Variants in CHRDL2 observed in about 807,000 individuals in gnomAD.
The protein encoded by CHRDL2 is chordin-like protein 2.
A neutral mutation model predicts 54.3 loss-of-function variants in CHRDL2; 41 were observed. That is an observed-to-expected ratio of 0.76 (90% CI 0.59 to 0.98). The LOEUF is 0.98. Among genes scored for constraint, CHRDL2 ranks in the 50% least tolerant of loss-of-function variants. CHRDL2 has a pLI of 0.00. For missense variants in CHRDL2, 518 were observed against 562.4 expected, an observed-to-expected ratio of 0.92 and a Z score of 0.80; for synonymous variants, 220 against 224.3, an observed-to-expected ratio of 0.98 and a Z score of 0.17.
chr11:74,715,371 A>T (rs1260894888), intron 2 of CHRDL2, among the ~76,000 whole-genome samples: 1 of 152,196 alleles, frequency 6.6e-6, no homozygotes, highest in African/African-American at 2.4e-5. Flanking sequence ...TGGGAGGCCG[A>T]GGTGGGAGGA....
In CHRDL2 at chr11:74,711,002, G is replaced by C; in HGVS notation, c.290-11C>G. Reference sequence around the variant, plus strand: ...AGGGAGTGTGAGGTTCTGCAGTGGGGGAGGGGCAGGAGGAAGAAGAAAATG... The same window carrying C: ...AGGGAGTGTGAGGTTCTGCAGTGGGCGAGGGGCAGGAGGAAGAAGAAAATG... On this transcript the variant is annotated splice_polypyrimidine_tract_variant and intron_variant, in intron 3 of 10. Transcript: ENST00000376332. The C allele has an allele frequency of 1.2e-6, 2 of 1,601,738 alleles. No homozygotes were observed. The highest frequency in any genetic ancestry group is 1.7e-6 in the Non-Finnish European group (2 of 1,173,942).
At chr11:74,706,018 G>A (rs2135245595) in intron 6 of CHRDL2, among the ~76,000 whole-genome samples, 1 of 152,252 alleles carries the variant, frequency 6.6e-6, no homozygotes, top group Non-Finnish European at 1.5e-5. Flanking sequence ...CAGCTGTCCA[G>A]CTAAGCCCAT....
intron 3 of CHRDL2, among the ~76,000 whole-genome samples, chr11:74,712,855 C>A (rs1296821776): frequency 1.3e-5 from 2 of 152,182 alleles, no homozygotes; most frequent in Admixed American, 6.5e-5. Context: ...ATCTTATTCT[C>A]AGAGGCTCTT....
In CHRDL2 at chr11:74,721,364, C is replaced by T. The variant is rs571801027; in HGVS notation, c.83-2532G>A. On this transcript the variant is annotated intron_variant, in intron 1 of 10. Coordinates refer to ENST00000376332, the MANE Select transcript of CHRDL2 (RefSeq NM_001278473.3). ...CCAGGTCTCTGTGCCAGTTGGCACCCCCTTCACCTCACCGCCTGCTCAGAG... is the reference window on the plus strand; with the variant it reads ...CCAGGTCTCTGTGCCAGTTGGCACCTCCTTCACCTCACCGCCTGCTCAGAG... Among the ~76,000 whole-genome samples, 10 of 152,364 alleles carry T rather than the reference C, an allele frequency of 6.6e-5. No individual in the cohort carries two copies. The South Asian group carries it at 2.1e-3, about 32-fold the overall frequency.
At position 74,722,784 on chromosome 11, in the gene CHRDL2, C is replaced by T. The variant is rs375816932; in HGVS notation, c.83-3952G>A. Among the ~76,000 whole-genome samples, 140 of 152,238 alleles carry T rather than the reference C, an allele frequency of 9.2e-4. 3 individuals are homozygous for T. In the South Asian group the frequency reaches 0.027, roughly 30 times the overall value. On this transcript the variant is annotated intron_variant, in intron 1 of 10. Coordinates refer to ENST00000376332, the MANE Select transcript of CHRDL2 (RefSeq NM_001278473.3). ...CCACTCATAAATCAGATTAGTTTGC[C>T]TCAACTCACCTCAGGCCCACAGACC...
Position 74,710,870 on chromosome 11 carries a change from C to T in CHRDL2, c.411G>A (p.Gln137=). Residue 137 remains glutamine (Q), a synonymous_variant, in exon 4 of 11, where the codon CAG becomes CAA. Coordinates refer to ENST00000376332, the MANE Select transcript of CHRDL2 (RefSeq NM_001278473.3). ...HELFPSRLPN[Q]CVLCSCTEGQ... is the part of the protein sequence containing the mutation. Reference sequence around the variant, plus strand: ...TTACTGTGCAGCTGCAGAGGACACACTGGTTGGGCAGGCGGGAGGGGAACA... The same window carrying T: ...TTACTGTGCAGCTGCAGAGGACACATTGGTTGGGCAGGCGGGAGGGGAACA... The T allele has an allele frequency of 6.2e-7, 1 of 1,614,152 alleles. No individual in the cohort carries two copies. Among genetic ancestry groups the T allele is most frequent in the Non-Finnish European group, 8.5e-7 (1 of 1,180,028 alleles).
intron 10 of CHRDL2, 145 bp downstream of exon 10, chr11:74,697,060 C>A (rs982543353): frequency 1.6e-6 from 1 of 630,644 alleles, no homozygotes; most frequent in Non-Finnish European, 2.8e-6. Flanking sequence ...CGCAGACACC[C>A]GCTGGATTCC....
intron 1 of CHRDL2, among the ~76,000 whole-genome samples, chr11:74,725,011 T>C (rs2034551261): frequency 6.6e-6 from 1 of 152,078 alleles, no homozygotes; most frequent in African/African-American, 2.4e-5. Context: ...TTTTTTTTTT[T>C]TGAGATGGAA....
chr11:74,697,037 A>T (rs1221401306), intron 10 of CHRDL2, among the ~76,000 whole-genome samples, 168 bp downstream of exon 10: 1 of 152,164 alleles, frequency 6.6e-6, no homozygotes, highest in African/African-American at 2.4e-5. Context: ...CTCTGGAGTT[A>T]GGAAATCTCT....
chr11:74,715,837 G>A (rs1465385598), intron 2 of CHRDL2, among the ~76,000 whole-genome samples: 1 of 151,858 alleles, frequency 6.6e-6, no homozygotes, highest in East Asian at 1.9e-4. Flanking sequence ...AATTAGCCGG[G>A]CGTGGTGGTG....
intron 1 of CHRDL2, 134 bp from the exon 2 acceptor site, chr11:74,718,966 T>A (rs894078520): frequency 1.8e-5 from 11 of 623,914 alleles, no homozygotes; most frequent in Admixed American, 2.9e-5. Context: ...GCTAGACAAC[T>A]GGGCATGCTC....
intron 2 of CHRDL2, among the ~76,000 whole-genome samples, chr11:74,714,069 G>A (rs932884659): frequency 5.3e-5 from 8 of 152,052 alleles, no homozygotes; most frequent in African/African-American, 1.2e-4. Context: ...TTGGGCAGGC[G>A]AACATACGCA....
rs188628017 is a variant in CHRDL2 at position 74,712,000 on chromosome 11, T to C, written c.290-1009A>G. ...AATTTTTTTGTATTTTTAGTAGAGA[T>C]GGCGTTTCACCATGTTGGCCAGGAT... On this transcript the variant is annotated intron_variant, in intron 3 of 10. Coordinates refer to ENST00000376332, the MANE Select transcript of CHRDL2 (RefSeq NM_001278473.3). Among the ~76,000 whole-genome samples the C allele has an allele frequency of 2.3e-3, 348 of 151,954 alleles. 1 individual carries two copies. The highest frequency in any genetic ancestry group is 3.1e-3 in the Non-Finnish European group (211 of 67,946).
At chr11:74,704,733 G>A (rs1159665933) in intron 6 of CHRDL2, 79 bp from the exon 7 acceptor site, 3 of 1,424,896 alleles carry the variant, frequency 2.1e-6, no homozygotes, top group Non-Finnish European at 2.9e-6. Flanking sequence ...AAGACAGGCT[G>A]CAGCAAGAGG....
intron 6 of CHRDL2, 26 bp from the exon 7 acceptor site, chr11:74,704,680 T>C (rs2033947675): frequency 6.3e-7 from 1 of 1,598,560 alleles, no homozygotes; most frequent in Non-Finnish European, 8.5e-7. Context: ...AGGATGAAAG[T>C]CACTGACTGA....
intron 3 of CHRDL2, among the ~76,000 whole-genome samples, chr11:74,711,577 A>G (rs1486808427): frequency 6.6e-6 from 1 of 152,172 alleles, no homozygotes; most frequent in East Asian, 1.9e-4. Flanking sequence ...GAGCCCACTC[A>G]TTCATTCAAG....
intron 9 of CHRDL2, chr11:74,701,756 TATTATC>T: frequency 1.8e-6 from 1 of 544,306 alleles, no homozygotes; most frequent in South Asian, 2.5e-5. Flanking sequence ...CATTGGTTAT[TATTATC>T]ATTGTCATTT....
intron 1 of CHRDL2, among the ~76,000 whole-genome samples, chr11:74,725,794 C>A (rs1157610001): frequency 6.6e-6 from 1 of 152,192 alleles, no homozygotes; most frequent in African/African-American, 2.4e-5. Context: ...GGCCTGTCCC[C>A]AGGCTGCAAG....
chr11:74,729,226 C>A (rs1253189563), intron 1 of CHRDL2, among the ~76,000 whole-genome samples: 1 of 152,212 alleles, frequency 6.6e-6, no homozygotes, highest in East Asian at 1.9e-4. Context: ...GCATGGAGGG[C>A]ATCCTGTGCA....
Sources: allele counts gnomAD v4.1 joint callset (sites outside exome capture counted in the v4.1 genomes callset), GRCh38; gene constraint gnomAD v4.1.1; transcripts MANE v1.5; gene names NCBI Gene and HGNC (gene_info 2026-07-23, HGNC 2026-07-21).